TULP4: variants seen among roughly 807,000 people sequenced by gnomAD.
The protein encoded by TULP4 is tubby-related protein 4.
Under a neutral mutation model 129.0 loss-of-function variants are expected in TULP4, and 16 were observed. That is an observed-to-expected ratio of 0.12 (90% CI 0.08 to 0.19). The LOEUF (loss-of-function observed/expected upper bound fraction) is 0.19. TULP4 is among the 10% of genes least tolerant of loss of function. The pLI, the probability that TULP4 is intolerant of heterozygous loss-of-function variation, is 1.00. For synonymous variants in TULP4, 998 were observed against 854.0 expected, an observed-to-expected ratio of 1.17 and a Z score of -2.94; for missense variants, 1,842 against 2,059.1, an observed-to-expected ratio of 0.89 and a Z score of 2.04.
intron 1 of TULP4, among the ~76,000 whole-genome samples, chr6:158,376,826 T>C (rs1471615440): frequency 6.6e-6 from 1 of 152,238 alleles, no homozygotes; most frequent in Non-Finnish European, 1.5e-5. Flanking sequence ...CTGTTGAATG[T>C]GGCTGTCAGG....
intron 1 of TULP4, among the ~76,000 whole-genome samples, chr6:158,293,757 C>T (rs1778981811): frequency 1.3e-5 from 2 of 152,216 alleles, no homozygotes; most frequent in South Asian, 4.1e-4. Flanking sequence ...CATTATTTAT[C>T]TCACTAGCAC....
At chr6:158,240,064 G>C (rs1396797171) in intron 1 of TULP4, among the ~76,000 whole-genome samples, 1 of 92,600 alleles carries the variant, frequency 1.1e-5, no homozygotes, top group African/African-American at 3.7e-5. Flanking sequence ...CCTCCCTCCC[G>C]GACGGGGCGG....
At chr6:158,358,927 T>C (rs1233506551) in intron 1 of TULP4, among the ~76,000 whole-genome samples, 1 of 152,082 alleles carries the variant, frequency 6.6e-6, no homozygotes, top group Non-Finnish European at 1.5e-5. Context: ...GCTGGAGGGC[T>C]GAGATTAGAG....
intron 11 of TULP4, among the ~76,000 whole-genome samples, chr6:158,498,425 T>C (rs1780375851): frequency 6.6e-6 from 1 of 152,260 alleles, no homozygotes; most frequent in African/African-American, 2.4e-5. Context: ...AGACAAACCA[T>C]TGGCAAGGAG....
intron 1 of TULP4, among the ~76,000 whole-genome samples, chr6:158,345,970 T>C (rs142634301): frequency 1.3e-5 from 2 of 152,312 alleles, no homozygotes; most frequent in African/African-American, 4.8e-5. Flanking sequence ...AATAACAATA[T>C]TCCTTGCTAG....
chr6:158,330,023 C>T (rs1018164647), intron 1 of TULP4, among the ~76,000 whole-genome samples: 2 of 39,986 alleles, frequency 5.0e-5, no homozygotes, highest in Non-Finnish European at 7.0e-5. Flanking sequence ...TAAATAGACA[C>T]ATTAAAAGTA....
intron 1 of TULP4, among the ~76,000 whole-genome samples, chr6:158,260,673 A>G (rs1304533053): frequency 6.6e-6 from 1 of 151,824 alleles, no homozygotes; most frequent in Non-Finnish European, 1.5e-5. Context: ...AGGGGAGAAG[A>G]GGGATTTAGA....
At chr6:158,321,923 A>G (rs1055643123) in intron 1 of TULP4, among the ~76,000 whole-genome samples, 2 of 152,176 alleles carry the variant, frequency 1.3e-5, no homozygotes, top group Admixed American at 1.3e-4. Context: ...GGGAATTTCT[A>G]GATTGTAAGA....
At chr6:158,394,358 C>G (rs1026634809) in intron 1 of TULP4, among the ~76,000 whole-genome samples, 3 of 152,202 alleles carry the variant, frequency 2.0e-5, no homozygotes. Flanking sequence ...CTTCTGAGCC[C>G]TCCAAACTGT....
intron 1 of TULP4, among the ~76,000 whole-genome samples, chr6:158,353,530 A>G (rs1740362737): frequency 6.6e-6 from 1 of 152,124 alleles, no homozygotes; most frequent in South Asian, 2.1e-4. Flanking sequence ...CTCTTTGTAA[A>G]TTGAGGGTGG....
rs528731833 is a variant in TULP4 at position 158,274,119 on chromosome 6, A to G, written n.69-37932A>G. Among the ~76,000 whole-genome samples, 3 of 152,142 alleles carry G rather than the reference A, an allele frequency of 2.0e-5. No individual in the cohort carries two copies. In the East Asian group the frequency reaches 5.8e-4, roughly 29 times the overall value. ...CTAAAAATACAAAAATTAGCTGGGC[A>G]TGGTGGCGGGCACCTGCAGTCCCGG... On this transcript the variant is annotated intron_variant and non_coding_transcript_variant, in intron 1 of 1. Transcript: ENST00000620026.
chr6:158,383,505 T>A (rs1372853920), intron 1 of TULP4, among the ~76,000 whole-genome samples: 2 of 152,218 alleles, frequency 1.3e-5, no homozygotes, highest in Non-Finnish European at 2.9e-5. Flanking sequence ...GTTGCCTATT[T>A]TCAAAGTTGT....
intron 6 of TULP4, among the ~76,000 whole-genome samples, chr6:158,462,595 G>A (rs2779079): frequency 4.0e-5 from 6 of 151,076 alleles, no homozygotes; most frequent in African/African-American, 1.5e-4. Flanking sequence ...GGATGGTCTC[G>A]ATCTCCTGAC....
intron 5 of TULP4, 118 bp from the exon 6 acceptor site, chr6:158,461,445 A>AT: frequency 2.2e-6 from 2 of 917,548 alleles, no homozygotes; most frequent in Non-Finnish European, 3.2e-6. Context: ...CCATGAATAT[A>AT]TTTTTGTTGT....
chr6:158,283,552 T>C (rs1223780461), intron 1 of TULP4, among the ~76,000 whole-genome samples: 1 of 152,208 alleles, frequency 6.6e-6, no homozygotes, highest in East Asian at 1.9e-4. Flanking sequence ...CTGCCTGAAT[T>C]TGATTCAACT....
intron 1 of TULP4, among the ~76,000 whole-genome samples, chr6:158,350,544 G>A (rs1172396843): frequency 6.6e-6 from 1 of 152,102 alleles, no homozygotes; most frequent in Admixed American, 6.5e-5. Context: ...GGTCAACACG[G>A]CAAAACCCCG....
chr6:158,323,761 T>C (rs1347821302), intron 1 of TULP4, among the ~76,000 whole-genome samples: 2 of 152,204 alleles, frequency 1.3e-5, no homozygotes, highest in Admixed American at 6.5e-5. Flanking sequence ...CAAAACCATA[T>C]AATGTTAAGA....
At chr6:158,244,940 A>G (rs949370831) in intron 1 of TULP4, among the ~76,000 whole-genome samples, 1 of 152,160 alleles carries the variant, frequency 6.6e-6, no homozygotes, top group Non-Finnish European at 1.5e-5. Context: ...GCCTGAGCAG[A>G]CTTAAGACAG....
intron 8 of TULP4, among the ~76,000 whole-genome samples, chr6:158,483,706 A>G (rs1055756621): frequency 4.6e-5 from 7 of 151,986 alleles, no homozygotes; most frequent in Non-Finnish European, 1.0e-4. Flanking sequence ...CCCCCATGCA[A>G]ATCACCTGGG....
Sources: gnomAD v4.1 joint callset for allele counts (sites outside exome capture counted in the v4.1 genomes callset) on GRCh38, gnomAD v4.1.1 for gene constraint, MANE v1.5 for transcripts, NCBI Gene and HGNC (gene_info 2026-07-23, HGNC 2026-07-21) for gene names.